DHX35: variants seen among roughly 807,000 people sequenced by gnomAD.
DHX35 encodes the protein probable ATP-dependent RNA helicase DHX35.
DHX35 carries 84 observed loss-of-function variants against 99.6 expected under a neutral mutation model. The ratio of observed to expected loss-of-function variants is 0.84; its 90% CI spans 0.71 to 1.01. The LOEUF is 1.01. Ranked by LOEUF, DHX35 falls within the 50% of genes least tolerant of loss-of-function variation. The probability of loss-of-function intolerance (pLI) is 0.00; values close to 1 mark genes in which losing one functional copy is unlikely to be tolerated. For synonymous variants in DHX35, 331 were observed against 316.2 expected, an observed-to-expected ratio of 1.05 and a Z score of -0.50; for missense variants, 852 against 888.5, an observed-to-expected ratio of 0.96 and a Z score of 0.52.
At chr20:38,974,757 G>A (rs1465217242) in intron 3 of DHX35, among the ~76,000 whole-genome samples, 1 of 152,186 alleles carries the variant, frequency 6.6e-6, no homozygotes, top group Non-Finnish European at 1.5e-5. Context: ...ACATTCAGGA[G>A]TCAGGAGCAG....
chr20:39,018,945 G>A, intron 15 of DHX35, 46 bp downstream of exon 15: 1 of 1,598,544 alleles, frequency 6.3e-7, no homozygotes, highest in African/African-American at 1.3e-5. Flanking sequence ...TTGACTGTCA[G>A]AGGTGTTGTT....
chr20:39,031,259 A>G (rs2087046122), intron 20 of DHX35, among the ~76,000 whole-genome samples: 1 of 151,998 alleles, frequency 6.6e-6, no homozygotes, highest in Non-Finnish European at 1.5e-5. Flanking sequence ...GTTCATTTTC[A>G]ACCACTGACT....
intron 3 of DHX35, among the ~76,000 whole-genome samples, chr20:38,981,303 T>C (rs535091482): frequency 1.0e-3 from 153 of 152,238 alleles, no homozygotes; most frequent in Admixed American, 3.2e-3. Context: ...TGATTTTCTT[T>C]TCTCCTCTTT....
rs2086337206 is a variant in DHX35 at position 38,991,510 on chromosome 20, A to G, written c.507A>G (p.Lys169=). ...REMMVDPLLT[K]YSVIMLDEAH... ...TGATGGTTGATCCGTTGTTAACAAA[A>G]TATAGGTAAATGTGTTTTTCTTATG... is the stretch of plus-strand genomic sequence containing the variant. The change falls in exon 6 of 22, where the codon AAA becomes AAG. Residue 169 remains lysine (K), a synonymous_variant. Transcript: ENST00000252011. 5 of 1,613,214 alleles carry G rather than the reference A, an allele frequency of 3.1e-6. No individual in the cohort carries two copies. Among genetic ancestry groups the G allele is most frequent in the South Asian group, 2.2e-5 (2 of 90,898 alleles).
At chr20:39,001,508 A>G (rs913225389) in intron 8 of DHX35, among the ~76,000 whole-genome samples, 2 of 152,240 alleles carry the variant, frequency 1.3e-5, no homozygotes, top group African/African-American at 4.8e-5. Flanking sequence ...ATTTTTATTA[A>G]AACTTTAGTA....
rs1568714388 is a variant in DHX35, at chr20:38,971,994, G to GTTTT, written c.175-564_175-561dup. Among the ~76,000 whole-genome samples, 33 of 112,054 alleles carry GTTTT rather than the reference G, an allele frequency of 2.9e-4. 2 individuals carry two copies. Among genetic ancestry groups the GTTTT allele is most frequent in the Admixed American group, 5.6e-4 (6 of 10,664 alleles). The allele number at this position is 112,054 out of a possible 152,430, so 73.5% of individuals were successfully genotyped here. A position where few individuals can be genotyped will look rare whatever the true frequency, so the allele number is the denominator to read the frequency against. Reference sequence around the variant, plus strand: ...ATGTCTATAATTTCTTGTTTTTTTTGTTTTGTTTTGTTTTTTTTTTTTTTT... The same window carrying GTTTT: ...ATGTCTATAATTTCTTGTTTTTTTTGTTTTTTTTGTTTTGTTTTTTTTTTTTTTT... On this transcript the variant is annotated intron_variant, in intron 2 of 21. Transcript: ENST00000252011.
intron 12 of DHX35, among the ~76,000 whole-genome samples, chr20:39,009,703 GTC>G (rs2086670319): frequency 6.6e-6 from 1 of 151,766 alleles, no homozygotes; most frequent in African/African-American, 2.4e-5. Context: ...GGATCTCTGT[GTC>G]TTAGGATGCT....
chr20:39,020,013 T>G (rs910633909), intron 15 of DHX35, among the ~76,000 whole-genome samples: 4 of 152,218 alleles, frequency 2.6e-5, no homozygotes, highest in Non-Finnish European at 5.9e-5. Flanking sequence ...CTGCCTTATT[T>G]CACTTGGCAT....
intron 13 of DHX35, among the ~76,000 whole-genome samples, chr20:39,012,878 C>A (rs534415099): frequency 6.6e-6 from 1 of 152,092 alleles, no homozygotes; most frequent in Non-Finnish European, 1.5e-5. Context: ...ATGGTGAAAT[C>A]GAAAACTGCC....
Position 39,028,617 on chromosome 20 carries a change from C to G in DHX35, c.1883+118C>G, listed in dbSNP as rs140004319. 1.6e-4 allele frequency: 181 copies of G among 1,164,070 alleles called. No homozygotes were observed. In the East Asian group the frequency reaches 4.4e-3, roughly 28 times the overall value. The allele number at this position is 1,164,070 out of a possible 1,614,324, so 72.1% of individuals were successfully genotyped here. ...TAATTATTTGTAATTTCTACCATGTCTCCTTCCAAAACTGAGTTGAGGTTA... is the reference window on the plus strand; with the variant it reads ...TAATTATTTGTAATTTCTACCATGTGTCCTTCCAAAACTGAGTTGAGGTTA... On this transcript the variant is annotated intron_variant, in intron 19 of 21. Transcript: ENST00000252011.
In DHX35 at chr20:39,006,242, C is replaced by T; in HGVS notation, c.1108C>T (p.Pro370Ser). 1 of 1,614,144 alleles carries T rather than the reference C, an allele frequency of 6.2e-7. No individual in the cohort carries two copies. Among genetic ancestry groups the T allele is most frequent in the Non-Finnish European group, 8.5e-7 (1 of 1,180,030 alleles). Reference protein sequence around the residue: ...CGFVKLRAYNPRTAIECLVVV... With the variant: ...CGFVKLRAYNSRTAIECLVVV... ...CTTTGTGAAACTCCGAGCCTACAAT[C>T]CCAGGACAGCTATTGAATGCTTGGT... Residue 370 changes from proline (P) to serine (S), a missense_variant, in exon 12 of 22, where the codon CCC becomes TCC. By Grantham distance (74) the Pro-to-Ser change is moderately conservative (BLOSUM62 -1). Coordinates refer to ENST00000252011, the MANE Select transcript of DHX35 (RefSeq NM_021931.4).
At chr20:39,024,801 G>C (rs2086926722) in intron 17 of DHX35, among the ~76,000 whole-genome samples, 1 of 152,092 alleles carries the variant, frequency 6.6e-6, no homozygotes, top group South Asian at 2.1e-4. Context: ...CATGCTTTGG[G>C]GACAAATAAT....
At chr20:38,994,734 A>G in intron 7 of DHX35, 87 bp from the exon 8 acceptor site, 1 of 1,150,098 alleles carries the variant, frequency 8.7e-7, no homozygotes, top group Non-Finnish European at 1.2e-6. Context: ...AAAGACACTG[A>G]ATTTTTGAAA....
intron 13 of DHX35, among the ~76,000 whole-genome samples, chr20:39,011,570 G>A (rs541294212): frequency 6.6e-6 from 1 of 152,242 alleles, no homozygotes; most frequent in South Asian, 2.1e-4. Flanking sequence ...CTCCTGAGCA[G>A]GTCAGGTGAT....
chr20:38,990,614 T>C (rs913914114), intron 5 of DHX35, among the ~76,000 whole-genome samples: 2 of 152,174 alleles, frequency 1.3e-5, no homozygotes, highest in Non-Finnish European at 2.9e-5. Flanking sequence ...AAAAATACAG[T>C]ATAACAACTA....
intron 3 of DHX35, among the ~76,000 whole-genome samples, chr20:38,974,669 A>G (rs757438412): frequency 1.3e-5 from 2 of 152,208 alleles, no homozygotes; most frequent in Non-Finnish European, 2.9e-5. Context: ...TAGGGATTGA[A>G]CATCCTGATA....
intron 14 of DHX35, among the ~76,000 whole-genome samples, chr20:39,017,145 G>A (rs1228481826): frequency 1.3e-5 from 2 of 152,108 alleles, no homozygotes; most frequent in South Asian, 2.1e-4. Context: ...ATTCTCCTAG[G>A]TTTTATAGTT....
At chr20:38,983,589 C>A (rs1601383438) in intron 3 of DHX35, 110 bp from the exon 4 acceptor site, 1 of 789,172 alleles carries the variant, frequency 1.3e-6, no homozygotes, top group Non-Finnish European at 2.1e-6. Context: ...GGGACAAGAA[C>A]TGTACTTTTT....
At chr20:39,024,025 C>G (rs2086912907) in intron 17 of DHX35, among the ~76,000 whole-genome samples, 1 of 152,182 alleles carries the variant, frequency 6.6e-6, no homozygotes, top group Admixed American at 6.5e-5. Flanking sequence ...AGTGGCAGGC[C>G]AGTGGCCCAG....
Sources: allele counts gnomAD v4.1 joint callset (sites outside exome capture counted in the v4.1 genomes callset), GRCh38; gene constraint gnomAD v4.1.1; transcripts MANE v1.5; gene names NCBI Gene and HGNC (gene_info 2026-07-23, HGNC 2026-07-21).